NIPBL: variants seen among roughly 807,000 people sequenced by gnomAD.
The protein encoded by NIPBL is nipped-B-like protein.
NIPBL carries 19 observed loss-of-function variants against 321.8 expected under a neutral mutation model. The observed-to-expected ratio is 0.06, with a 90% CI of 0.04 to 0.09. The LOEUF (loss-of-function observed/expected upper bound fraction) is 0.09, where lower values mean the gene tolerates loss of function less well. Among genes scored for constraint, NIPBL ranks in the 10% least tolerant of loss-of-function variants. NIPBL has a pLI of 1.00. For synonymous variants in NIPBL, 1,106 were observed against 1,114.1 expected, an observed-to-expected ratio of 0.99 and a Z score of 0.14; for missense variants, 2,210 against 3,327.0, an observed-to-expected ratio of 0.66 and a Z score of 8.26.
chr5:37,057,004 TCTCTCCCTCCTC>T (rs1754161602), intron 42 of NIPBL, among the ~76,000 whole-genome samples, 170 bp from the exon 43 acceptor site: 1 of 151,772 alleles, frequency 6.6e-6, no homozygotes, highest in Non-Finnish European at 1.5e-5. Flanking sequence ...CCTCTATATT[TCTCTCCCTCCTC>T]CTCTCCCTCT....
intron 34 of NIPBL, among the ~76,000 whole-genome samples, chr5:37,040,776 G>A (rs1752248528): frequency 6.6e-6 from 1 of 152,158 alleles, no homozygotes; most frequent in Admixed American, 6.5e-5. Flanking sequence ...AATTGATCTT[G>A]CCATTTTGCA....
chr5:36,905,054 C>G (rs1274357960), intron 1 of NIPBL, among the ~76,000 whole-genome samples: 1 of 151,956 alleles, frequency 6.6e-6, no homozygotes, highest in Non-Finnish European at 1.5e-5. Context: ...GTGAAAAATT[C>G]GACAAAAACA....
chr5:37,000,986 C>T lies in NIPBL; in HGVS notation c.3575-3C>T, dbSNP rs587783926. The T allele has an allele frequency of 1.9e-6, 3 of 1,607,594 alleles. No homozygotes were observed. Among genetic ancestry groups the T allele is most frequent in the East Asian group, 2.2e-5 (1 of 44,716 alleles). On this transcript the variant is annotated splice_region_variant and splice_polypyrimidine_tract_variant and intron_variant, in intron 13 of 46. Transcript: ENST00000282516. Reference sequence around the variant, plus strand: ...ATAATGAATATATTTTTCTCTCTTGCAGAAATGATGGACTCTTCAACTTTT... The same window carrying T: ...ATAATGAATATATTTTTCTCTCTTGTAGAAATGATGGACTCTTCAACTTTT...
At position 37,060,924 on chromosome 5, in the gene NIPBL, A is replaced by G; in HGVS notation, c.7766A>G (p.His2589Arg). ...AINRKTGVHF[H>R]PKQTLDFLRS... is the part of the protein sequence containing the mutation. ...AACCGAAAAACAGGAGTTCATTTTC[A>G]TCCAAAACAAACACTGGACTTCCTG... Residue 2589 changes from histidine (H) to arginine (R), a missense_variant, in exon 45 of 47, where the codon CAT becomes CGT. Transcript: ENST00000282516. The G allele has an allele frequency of 6.2e-7, 1 of 1,614,138 alleles. No homozygotes were observed. The highest frequency in any genetic ancestry group is 8.5e-7 in the Non-Finnish European group (1 of 1,179,976).
intron 10 of NIPBL, among the ~76,000 whole-genome samples, 199 bp downstream of exon 10, chr5:36,986,500 C>G (rs1314858133): frequency 6.6e-6 from 1 of 151,614 alleles, no homozygotes; most frequent in Non-Finnish European, 1.5e-5. Context: ...CAGTTTTTTT[C>G]TTCCCACCCA....
chr5:37,009,290 G>A (rs1747818207), intron 20 of NIPBL, among the ~76,000 whole-genome samples: 1 of 151,914 alleles, frequency 6.6e-6, no homozygotes, highest in Non-Finnish European at 1.5e-5. Flanking sequence ...ATAAACATGG[G>A]GATTAAATGC....
intron 35 of NIPBL, 59 bp from the exon 36 acceptor site, chr5:37,044,577 C>G (rs955921642): frequency 1.9e-6 from 3 of 1,571,738 alleles, no homozygotes; most frequent in Middle Eastern, 1.8e-4. Flanking sequence ...TTGTAAAAAG[C>G]TAAGTTTTTA....
At chr5:36,905,961 G>A (rs1225287233) in intron 1 of NIPBL, among the ~76,000 whole-genome samples, 1 of 152,058 alleles carries the variant, frequency 6.6e-6, no homozygotes, top group Non-Finnish European at 1.5e-5. Context: ...AGCCAGGATG[G>A]TCTCGATCTC....
intron 43 of NIPBL, 111 bp downstream of exon 43, chr5:37,057,443 C>A: frequency 9.0e-7 from 1 of 1,105,142 alleles, no homozygotes; most frequent in Admixed American, 1.9e-5. Context: ...TATATAAAAT[C>A]TTTCTAAGTG....
At position 36,985,740 on chromosome 5, in the gene NIPBL, C is replaced by G. The variant is rs759261898; in HGVS notation, c.2560C>G (p.His854Asp). Residue 854 changes from histidine (H) to aspartate (D), a missense_variant, in exon 10 of 47, where the codon CAT (histidine) becomes GAT (aspartate). Physicochemically the swap from His to Asp is moderately conservative, Grantham distance 81. This residue lies in a region of NIPBL where 588 missense variants were observed against 564.1 expected (regional missense o/e 1.04). Coordinates refer to ENST00000282516, the MANE Select transcript of NIPBL (RefSeq NM_133433.4). ...ATTGAGATCCTCTAGTAGAAATGAA[C>G]ATGGCATTAAATCTGATAGTTCAAA... ...ETLRSSSRNE[H>D]GIKSDSSKTD... The G allele has an allele frequency of 6.2e-7, 1 of 1,613,840 alleles. No homozygotes were observed.
intron 1 of NIPBL, among the ~76,000 whole-genome samples, chr5:36,907,538 T>C (rs1045488466): frequency 6.6e-6 from 1 of 152,304 alleles, no homozygotes; most frequent in African/African-American, 2.4e-5. Flanking sequence ...ATATGCATTT[T>C]CCCACCTTAA....
chr5:37,054,340 C>T (rs1417943996), intron 42 of NIPBL, among the ~76,000 whole-genome samples: 1 of 152,086 alleles, frequency 6.6e-6, no homozygotes, highest in African/African-American at 2.4e-5. Flanking sequence ...AATTTATCAT[C>T]AACATTATCA....
At chr5:36,987,871 G>T (rs920269681) in intron 10 of NIPBL, among the ~76,000 whole-genome samples, 3 of 152,070 alleles carry the variant, frequency 2.0e-5, no homozygotes, top group African/African-American at 7.2e-5. Context: ...GAATGTGGGG[G>T]TTAACACCAC....
At chr5:37,032,104 G>T (rs1008666075) in intron 32 of NIPBL, among the ~76,000 whole-genome samples, 5 of 152,128 alleles carry the variant, frequency 3.3e-5, no homozygotes, top group African/African-American at 1.2e-4. Context: ...TGAGGGTAGA[G>T]CCCATCATTC....
intron 38 of NIPBL, among the ~76,000 whole-genome samples, chr5:37,046,616 C>T (rs1299105077): frequency 1.3e-5 from 2 of 152,178 alleles, no homozygotes; most frequent in East Asian, 1.9e-4. Context: ...CTGGTTAAAA[C>T]AATGATCAGT....
intron 1 of NIPBL, among the ~76,000 whole-genome samples, chr5:36,888,044 GA>G (rs1373943153): frequency 6.6e-6 from 1 of 152,114 alleles, no homozygotes; most frequent in Non-Finnish European, 1.5e-5. Flanking sequence ...ACACTTCCCT[GA>G]ATTATCACTT....
chr5:36,985,441 G>A lies in NIPBL; in HGVS notation c.2261G>A (p.Arg754Gln), dbSNP rs748268539. 9.9e-6 allele frequency: 16 copies of A among 1,613,416 alleles called. No individual in the cohort carries two copies. The highest frequency in any genetic ancestry group is 4.0e-5 in the African/African-American group (3 of 74,832). Residue 754 changes from arginine (R) to glutamine (Q), a missense_variant, in exon 10 of 47, where the codon CGA (arginine) becomes CAA (glutamine). Arg to Gln is a conservative substitution (Grantham distance 43, BLOSUM62 1). Transcript: ENST00000282516. ...ACTCCAAAGCAAAAAAATGAAGGGCGACCTGAAACACCAAAACACAGGCAT... is the reference window on the plus strand; with the variant it reads ...ACTCCAAAGCAAAAAAATGAAGGGCAACCTGAAACACCAAAACACAGGCAT... ...PETPKQKNEG[R>Q]PETPKHRHDN...
chr5:37,001,275 A>G (rs1028672134), intron 14 of NIPBL, among the ~76,000 whole-genome samples, 197 bp downstream of exon 14: 2 of 152,140 alleles, frequency 1.3e-5, no homozygotes, highest in African/African-American at 4.8e-5. Context: ...ATCCCTAACT[A>G]TGATAAATAC....
intron 15 of NIPBL, among the ~76,000 whole-genome samples, chr5:37,002,977 T>G (rs1746991336): frequency 6.6e-6 from 1 of 151,956 alleles, no homozygotes; most frequent in South Asian, 2.1e-4. Flanking sequence ...TATTACTGCA[T>G]TGAAAGAGGC....
Sources: gnomAD v4.1 joint callset for allele counts (sites outside exome capture counted in the v4.1 genomes callset) on GRCh38, gnomAD v4.1.1 for gene constraint, gnomAD v4.1.1 regional missense constraint, MANE v1.5 for transcripts, NCBI Gene and HGNC (gene_info 2026-07-23, HGNC 2026-07-21) for gene names.